MRPS11: variants seen among roughly 807,000 people sequenced by gnomAD.
MRPS11 encodes the protein mitochondrial ribosomal protein S11.
MRPS11 carries 27 observed loss-of-function variants against 24.3 expected under a neutral mutation model. The observed-to-expected ratio is 1.11, with a 90% CI of 0.82 to 1.53. MRPS11 has a LOEUF of 1.53. Ranked by LOEUF, MRPS11 falls within the 40% of genes most tolerant of loss-of-function variation. The probability of loss-of-function intolerance (pLI) is 0.00; values close to 1 mark genes in which losing one functional copy is unlikely to be tolerated. For synonymous variants in MRPS11, 104 were observed against 98.7 expected (o/e 1.05, Z -0.32); for missense variants, 277 against 256.5 (o/e 1.08, Z -0.55).
chr15:88,468,288 A>AT, intron 2 of MRPS11: 4 of 1,268,232 alleles, frequency 3.2e-6, no homozygotes, highest in Non-Finnish European at 4.0e-6. Context: ...TATCCATAAC[A>AT]TGTATCAGCG....
At position 88,472,611 on chromosome 15, in the gene MRPS11, T is replaced by A. The variant is rs2055737257; in HGVS notation, c.183-16T>A. ...AGTCGAGACAATTTTAAATAAAATC[T>A]TTCTTCTAATTGCAGCATTTACCCT... On this transcript the variant is annotated splice_polypyrimidine_tract_variant and intron_variant, in intron 2 of 5. Transcript: ENST00000325844. 1 of 1,594,322 alleles carries A rather than the reference T, an allele frequency of 6.3e-7. No individual in the cohort carries two copies. Among genetic ancestry groups the A allele is most frequent in the Non-Finnish European group, 8.6e-7 (1 of 1,165,000 alleles).
intron 2 of MRPS11, chr15:88,468,360 A>C: frequency 6.2e-6 from 7 of 1,122,254 alleles, no homozygotes; most frequent in Non-Finnish European, 5.5e-6. Context: ...CCAAAACAAA[A>C]TGGGGAGGTA....
chr15:88,476,635 T>C (rs2055828393), intron 4 of MRPS11: 2 of 198,408 alleles, frequency 1.0e-5, no homozygotes, highest in Non-Finnish European at 2.0e-5. Context: ...ATGATAATAC[T>C]TTTAAAGTGG....
intron 4 of MRPS11, chr15:88,476,679 G>A (rs1222700131): frequency 4.1e-5 from 12 of 292,104 alleles, no homozygotes; most frequent in East Asian, 1.9e-4. Context: ...CTAGGGTGGC[G>A]CCTCATGGTC....
Position 88,477,036 on chromosome 15 carries a change from C to T in MRPS11, c.459C>T (p.Gly153=). The change falls in exon 5 of 6, where the codon GGC becomes GGT. Residue 153 remains glycine (G), a synonymous_variant. Coordinates refer to ENST00000325844, the MANE Select transcript of MRPS11 (RefSeq NM_022839.5). This position sits in a 1 kb window ranked among gnomAD's most constrained non-coding sequence, Gnocchi z 5.7. The part of the protein sequence containing the change: ...GVIHIRVVVK[G]LGPGRLSAMH... ...TCCACATCCGAGTTGTGGTGAAAGG[C>T]CTGGGGCCAGGACGCTTGGTAAGTT... is the stretch of plus-strand genomic sequence containing the variant. 6.2e-7 allele frequency: 1 copy of T among 1,614,048 alleles called. No individual in the cohort carries two copies.
rs2055839132 is a variant in MRPS11 at position 88,477,166 on chromosome 15, T to G, written c.477+112T>G. On this transcript the variant is annotated intron_variant, in intron 5 of 5. Transcript: ENST00000325844. This position sits in a 1 kb window ranked among gnomAD's most constrained non-coding sequence, Gnocchi z 5.7. ...AAACACCTTTTAGTGGATTTCCATGTTTGCTTGAAGTTCCCGTCTGTTGTT... is the reference window on the plus strand; with the variant it reads ...AAACACCTTTTAGTGGATTTCCATGGTTGCTTGAAGTTCCCGTCTGTTGTT... 15 of 1,003,696 alleles carry G rather than the reference T, an allele frequency of 1.5e-5. No individual in the cohort carries two copies. Among genetic ancestry groups the G allele is most frequent in the Non-Finnish European group, 2.0e-5 (13 of 656,096 alleles). 62.2% of individuals were successfully genotyped at this position (1,003,696 alleles called of 1,614,324 possible).
At position 88,478,787 on chromosome 15, in the gene MRPS11, G is replaced by C. The variant is rs907185608; in HGVS notation, c.*808G>C. ...CGGGTGGATCACTTGAGTCCAGTTA[G>C]AGACCAGCCTGGGCAACATGGTGAA... is the stretch of plus-strand genomic sequence containing the variant. On this transcript the variant is annotated 3_prime_UTR_variant, in exon 6 of 6. Transcript: ENST00000325844. The surrounding 1 kb of genome is among the most constrained non-coding windows in gnomAD (Gnocchi z 4.7). 6.6e-6 allele frequency: 1 copy of C among 152,166 alleles called. No homozygotes were observed. The highest frequency in any genetic ancestry group is 2.4e-5 in the African/African-American group (1 of 41,404). The allele number at this position is 152,166 out of a possible 1,614,324, so 9.4% of individuals were successfully genotyped here.
At chr15:88,470,053 A>G (rs1451101893) in intron 2 of MRPS11, among the ~76,000 whole-genome samples, 2 of 152,178 alleles carry the variant, frequency 1.3e-5, no homozygotes, top group Non-Finnish European at 1.5e-5. Context: ...GCGGTGGCTC[A>G]CACCTGTAAT....
rs1264300833 is a variant in MRPS11, at chr15:88,469,490, G to T, written c.182+1466G>T. Among the ~76,000 whole-genome samples, 1 of 152,200 alleles carries T rather than the reference G, an allele frequency of 6.6e-6. No homozygotes were observed. Among genetic ancestry groups the T allele is most frequent in the Non-Finnish European group, 1.5e-5 (1 of 68,042 alleles). ...ACAAGTAAAATGTAGGAGTATAACG[G>T]TTGGAAAGGGGAAGTGGGGGTCAAG... On this transcript the variant is annotated intron_variant, in intron 2 of 5. Coordinates refer to ENST00000325844, the MANE Select transcript of MRPS11 (RefSeq NM_022839.5). The surrounding 1 kb of genome is among the most constrained non-coding windows in gnomAD (Gnocchi z 4.4).
rs2055900839 is a variant in MRPS11, at chr15:88,480,016, T to C, written c.*2037T>C. 1 of 152,224 alleles carries C rather than the reference T, an allele frequency of 6.6e-6. No homozygotes were observed. The highest frequency in any genetic ancestry group is 2.4e-5 in the African/African-American group (1 of 41,428). 9.4% of individuals were successfully genotyped at this position (152,224 alleles called of 1,614,324 possible). ...CATGGCCTGAGGGAGAGGGAAGAAATGCCTGGCTGTTCCCGGCCTGTAGTC... is the reference window on the plus strand; with the variant it reads ...CATGGCCTGAGGGAGAGGGAAGAAACGCCTGGCTGTTCCCGGCCTGTAGTC... On this transcript the variant is annotated 3_prime_UTR_variant, in exon 6 of 6. Transcript: ENST00000325844. This position sits in a 1 kb window ranked among gnomAD's most constrained non-coding sequence, Gnocchi z 5.1.
rs768924727 is a variant in MRPS11, at chr15:88,467,786, A to G, written c.65+4A>G. ...GGACTTGGCCCCAGACAGCCGGGTA[A>G]CAAATGACTGCCCCCTCGAGCCCAC... is the stretch of plus-strand genomic sequence containing the variant. On this transcript the variant is annotated splice_donor_region_variant and intron_variant, in intron 1 of 5. Transcript: ENST00000325844. 1 of 1,613,980 alleles carries G rather than the reference A, an allele frequency of 6.2e-7. No individual in the cohort carries two copies. The highest frequency in any genetic ancestry group is 1.1e-5 in the South Asian group (1 of 91,080).
Position 88,477,029 on chromosome 15 carries a change from TGAAAGGCCTGG to T in MRPS11, c.454_464del (p.Lys152AlafsTer104). 6.2e-7 allele frequency: 1 copy of T among 1,614,064 alleles called. No individual in the cohort carries two copies. Among genetic ancestry groups the T allele is most frequent in the Non-Finnish European group, 8.5e-7 (1 of 1,179,986 alleles). On this transcript the variant is annotated frameshift_variant, in exon 5 of 6. Transcript: ENST00000325844. LOFTEE classifies it high-confidence loss of function. The surrounding 1 kb of genome is among the most constrained non-coding windows in gnomAD (Gnocchi z 5.7). ...GGCGTGATCCACATCCGAGTTGTGG[TGAAAGGCCTGG>T]GGCCAGGACGCTTGGTAAGTTACAG...
At chr15:88,470,399 G>A (rs1178256202) in intron 2 of MRPS11, among the ~76,000 whole-genome samples, 38 of 152,296 alleles carry the variant, frequency 2.5e-4, no homozygotes, top group Non-Finnish European at 1.5e-5. Context: ...TCATAGAGAT[G>A]ATATTTAAAA....
Position 88,467,796 on chromosome 15 carries a change from G to GC in MRPS11, c.65+19dup, listed in dbSNP as rs369783998. The GC allele has an allele frequency of 5.0e-4, 799 of 1,613,896 alleles. 3 individuals are homozygous for GC. In the African/African-American group the frequency reaches 7.9e-3, roughly 16 times the overall value. On this transcript the variant is annotated intron_variant, in intron 1 of 5. Coordinates refer to ENST00000325844, the MANE Select transcript of MRPS11 (RefSeq NM_022839.5). ...CCAGACAGCCGGGTAACAAATGACT[G>GC]CCCCCTCGAGCCCACCGCCACCTCC...
rs2055796452 is a variant in MRPS11 at position 88,475,202 on chromosome 15, G to A, written c.374G>A (p.Gly125Asp). Reference protein sequence around the residue: ...EGFRNAKKGTGIAAQTAGIAA... With the variant: ...EGFRNAKKGTDIAAQTAGIAA... Reference sequence around the variant, plus strand: ...TTTCGGAATGCCAAGAAGGGCACAGGCATCGCAGCACAGACAGCAGGCATA... The same window carrying A: ...TTTCGGAATGCCAAGAAGGGCACAGACATCGCAGCACAGACAGCAGGCATA... The change falls in exon 4 of 6, where the codon GGC (glycine) becomes GAC (aspartate). Residue 125 changes from glycine to aspartate, a missense_variant. By Grantham distance (94) the Gly-to-Asp change is moderately conservative. Transcript: ENST00000325844. This position sits in a 1 kb window ranked among gnomAD's most constrained non-coding sequence, Gnocchi z 4.1. 3.1e-6 allele frequency: 5 copies of A among 1,614,226 alleles called. No individual in the cohort carries two copies. Among genetic ancestry groups the A allele is most frequent in the Non-Finnish European group, 4.2e-6 (5 of 1,180,036 alleles).
In MRPS11 at chr15:88,469,289, C is replaced by T. The variant is rs2055632372; in HGVS notation, c.182+1265C>T. On this transcript the variant is annotated intron_variant, in intron 2 of 5. Coordinates refer to ENST00000325844, the MANE Select transcript of MRPS11 (RefSeq NM_022839.5). This position sits in a 1 kb window ranked among gnomAD's most constrained non-coding sequence, Gnocchi z 4.4. ...CACACTGGAGCTTTTACGCTGTCCC[C>T]ACTGAAGGCAGTGAGGAGCTGCTGA... is the stretch of plus-strand genomic sequence containing the variant. The T allele has an allele frequency of 6.6e-6, 1 of 152,194 alleles. No individual in the cohort carries two copies. The highest frequency in any genetic ancestry group is 6.5e-5 in the Admixed American group (1 of 15,270). The allele number at this position is 152,194 out of a possible 1,614,324, so 9.4% of individuals were successfully genotyped here.
At chr15:88,470,729 A>G (rs540904646) in intron 2 of MRPS11, among the ~76,000 whole-genome samples, 35 of 152,318 alleles carry the variant, frequency 2.3e-4, no homozygotes, top group Non-Finnish European at 1.0e-4. Flanking sequence ...AGAGGCTAAT[A>G]TCTGATTGAA....
chr15:88,476,788 G>A (rs973310631), intron 4 of MRPS11: 10 of 581,270 alleles, frequency 1.7e-5, no homozygotes, highest in Admixed American at 9.0e-5. Flanking sequence ...TCACAGTCAC[G>A]TGAATTCTGC....
chr15:88,473,718 C>T (rs1473023593), intron 3 of MRPS11, among the ~76,000 whole-genome samples: 24 of 152,184 alleles, frequency 1.6e-4, no homozygotes, highest in Admixed American at 1.6e-3. Context: ...GGCCCAAGCC[C>T]GGGGCTGACT....
Sources: gnomAD v4.1 joint callset for allele counts (sites outside exome capture counted in the v4.1 genomes callset) on GRCh38, gnomAD v4.1.1 for gene constraint, Gnocchi (gnomAD v3.1) non-coding constraint, MANE v1.5 for transcripts, NCBI Gene and HGNC (gene_info 2026-07-23, HGNC 2026-07-21) for gene names.